The following ANKFY1 variants were observed in gnomAD, a reference collection of about 807,000 sequenced individuals.
The protein encoded by ANKFY1 is ankyrin repeat and FYVE domain-containing protein 1.
ANKFY1 carries 47 observed loss-of-function variants against 128.3 expected under a neutral mutation model. That is an observed-to-expected ratio of 0.37 (90% CI 0.29 to 0.47). ANKFY1 has a LOEUF of 0.47. Among genes scored for constraint, ANKFY1 ranks in the 20% least tolerant of loss-of-function variants. ANKFY1 has a pLI of 1.00. For missense variants in ANKFY1, 1,222 were observed against 1,510.6 expected (o/e 0.81, Z 3.17); for synonymous variants, 553 against 601.6 (o/e 0.92, Z 1.18).
chr17:4,184,323 TAAA>T (rs1247722457), intron 12 of ANKFY1, among the ~76,000 whole-genome samples: 1 of 151,990 alleles, frequency 6.6e-6, no homozygotes, highest in Non-Finnish European at 1.5e-5. Context: ...AGGACAAGGC[TAAA>T]AAAACACTGT....
chr17:4,237,982 A>G (rs906586710), intron 2 of ANKFY1, among the ~76,000 whole-genome samples: 2 of 152,086 alleles, frequency 1.3e-5, no homozygotes, highest in African/African-American at 2.4e-5. Flanking sequence ...GTAAATGACT[A>G]CACATAGCCA....
At chr17:4,190,135 A>G (rs77066561) in intron 10 of ANKFY1, among the ~76,000 whole-genome samples, 2,167 of 152,246 alleles carry the variant, frequency 0.014, 30 homozygotes, top group Non-Finnish European at 0.023. Flanking sequence ...GAACTTAAAG[A>G]CAATTAGAAA....
intron 10 of ANKFY1, among the ~76,000 whole-genome samples, chr17:4,189,736 T>C (rs1262952033): frequency 1.3e-5 from 2 of 149,772 alleles, no homozygotes; most frequent in Non-Finnish European, 1.5e-5. Context: ...CGCCAGACAG[T>C]AGGTCCACGC....
chr17:4,220,703 T>C (rs924721864), intron 3 of ANKFY1, among the ~76,000 whole-genome samples: 9 of 152,186 alleles, frequency 5.9e-5, no homozygotes, highest in African/African-American at 2.2e-4. Context: ...ATAAATTCAC[T>C]TTGTGACTCA....
At chr17:4,240,178 C>T (rs1967131229) in intron 2 of ANKFY1, among the ~76,000 whole-genome samples, 1 of 151,500 alleles carries the variant, frequency 6.6e-6, no homozygotes, top group Admixed American at 6.6e-5. Flanking sequence ...GATTCTCCTG[C>T]CTCAGCCTCT....
chr17:4,185,694 C>T (rs1288540503), intron 11 of ANKFY1, among the ~76,000 whole-genome samples: 1 of 151,978 alleles, frequency 6.6e-6, no homozygotes, highest in Non-Finnish European at 1.5e-5. Flanking sequence ...TTCTTGACTT[C>T]ACCTCCAAGG....
At chr17:4,179,587 G>T in intron 17 of ANKFY1, 134 bp downstream of exon 17, 1 of 1,143,004 alleles carries the variant, frequency 8.7e-7, no homozygotes, top group Non-Finnish European at 1.2e-6. Context: ...AATCATGAAC[G>T]CTGCTAGGGA....
intron 4 of ANKFY1, among the ~76,000 whole-genome samples, chr17:4,214,525 T>C (rs1008207783): frequency 1.5e-5 from 2 of 135,590 alleles, no homozygotes; most frequent in Non-Finnish European, 3.0e-5. Context: ...AAACCTAACT[T>C]TTTTTTTTTT....
At chr17:4,193,034 C>G (rs1440015650) in intron 10 of ANKFY1, among the ~76,000 whole-genome samples, 5 of 151,930 alleles carry the variant, frequency 3.3e-5, no homozygotes, top group Admixed American at 3.3e-4. Context: ...ATGGACAAAA[C>G]CATAACCAAT....
chr17:4,183,503 T>A lies in ANKFY1; in HGVS notation c.1847A>T (p.Asn616Ile), dbSNP rs770047610. 1 of 1,613,036 alleles carries A rather than the reference T, an allele frequency of 6.2e-7. No homozygotes were observed. Among genetic ancestry groups the A allele is most frequent in the African/African-American group, 1.3e-5 (1 of 74,894 alleles). Residue 616 changes from asparagine (N) to isoleucine (I), a missense_variant, in exon 14 of 25, where the codon AAT (asparagine) becomes ATT (isoleucine). Physicochemically the swap from Asn to Ile is moderately radical, Grantham distance 149 (BLOSUM62 -3). Transcript: ENST00000341657. ...CGTCTGCCCATCCGACATGGTGTCATTGATGGCGGCTCCAGAGCCCAGCAG... is the reference window on the plus strand; with the variant it reads ...CGTCTGCCCATCCGACATGGTGTCAATGATGGCGGCTCCAGAGCCCAGCAG... ...AQLLGSGAAI[N>I]DTMSDGQTLL...
At chr17:4,202,858 A>G (rs2059958172) in intron 7 of ANKFY1, among the ~76,000 whole-genome samples, 1 of 149,268 alleles carries the variant, frequency 6.7e-6, no homozygotes, top group Non-Finnish European at 1.5e-5. Context: ...GATGGATAGC[A>G]TGATAAAAAA....
intron 2 of ANKFY1, among the ~76,000 whole-genome samples, chr17:4,240,550 C>T (rs773262400): frequency 6.6e-6 from 1 of 152,094 alleles, no homozygotes; most frequent in Non-Finnish European, 1.5e-5. Context: ...CACCACCACA[C>T]CCAGCTAATT....
intron 1 of ANKFY1, among the ~76,000 whole-genome samples, chr17:4,262,081 T>C (rs912374278): frequency 5.3e-5 from 8 of 152,222 alleles, no homozygotes; most frequent in Admixed American, 2.6e-4. Flanking sequence ...ACCCCAGCAC[T>C]TAGAGAGGCC....
intron 2 of ANKFY1, among the ~76,000 whole-genome samples, chr17:4,238,768 GT>G (rs199875308): frequency 4.1e-5 from 6 of 144,768 alleles, no homozygotes; most frequent in South Asian, 2.2e-4. Flanking sequence ...ACCCAGCCTT[GT>G]TTTTTTTTTA....
chr17:4,241,960 G>C (rs947656784), intron 2 of ANKFY1, among the ~76,000 whole-genome samples: 1 of 151,676 alleles, frequency 6.6e-6, no homozygotes, highest in Non-Finnish European at 1.5e-5. Flanking sequence ...ACGGTGGTGG[G>C]CACCTGTAGT....
intron 2 of ANKFY1, among the ~76,000 whole-genome samples, chr17:4,236,197 T>G (rs1409962118): frequency 6.6e-6 from 1 of 152,228 alleles, no homozygotes. Flanking sequence ...TGATTAATAT[T>G]CACATAAAAA....
rs534305741 is a variant in ANKFY1, at chr17:4,220,474, G to A, written c.323-3356C>T. On this transcript the variant is annotated intron_variant, in intron 3 of 24. Coordinates refer to ENST00000341657, the MANE Select transcript of ANKFY1 (RefSeq NM_001330063.2). The stretch of plus-strand genomic sequence containing the variant: ...AACACCCTCAAACACCTTCCCTACA[G>A]TAGCAGTTTCTTAAATACTATTTGC... Among the ~76,000 whole-genome samples the A allele has an allele frequency of 2.6e-5, 4 of 152,292 alleles. No individual in the cohort carries two copies. The South Asian group carries it at 8.3e-4, about 32-fold the overall frequency.
chr17:4,227,800 GC>G (rs2060449219), intron 3 of ANKFY1, among the ~76,000 whole-genome samples: 1 of 152,128 alleles, frequency 6.6e-6, no homozygotes, highest in Admixed American at 6.5e-5. Context: ...AAATAAAACT[GC>G]CATGCACTCT....
At chr17:4,200,504 A>G (rs1380185372) in intron 7 of ANKFY1, among the ~76,000 whole-genome samples, 1 of 152,228 alleles carries the variant, frequency 6.6e-6, no homozygotes. Flanking sequence ...CTTTCTGCAG[A>G]TTCCGTCTCC....
Sources: gnomAD v4.1 joint callset for allele counts (sites outside exome capture counted in the v4.1 genomes callset) on GRCh38, gnomAD v4.1.1 for gene constraint, MANE v1.5 for transcripts, NCBI Gene and HGNC (gene_info 2026-07-23, HGNC 2026-07-21) for gene names.